SLIT3: variants seen among roughly 807,000 people sequenced by gnomAD.
SLIT3 encodes slit homolog 3 protein.
In SLIT3, 68 loss-of-function variants were observed where a neutral mutation model predicts 184.0. The ratio of observed to expected loss-of-function variants is 0.37; its 90% CI spans 0.30 to 0.45. The LOEUF is 0.45. SLIT3 is among the 20% of genes least tolerant of loss of function. SLIT3 has a pLI of 1.00. For synonymous variants in SLIT3, 831 were observed against 828.6 expected, an observed-to-expected ratio of 1.00 and a Z score of -0.05; for missense variants, 1,707 against 2,026.0, an observed-to-expected ratio of 0.84 and a Z score of 3.02.
chr5:169,045,426 A>G (rs76964544), intron 4 of SLIT3, among the ~76,000 whole-genome samples: 4 of 140,670 alleles, frequency 2.8e-5, no homozygotes, highest in East Asian at 4.9e-4. Context: ...TAGTCCATGC[A>G]GGAAAAAAAA....
chr5:168,982,465 T>G lies in SLIT3; in HGVS notation c.414-99129A>C, dbSNP rs767939197. On this transcript the variant is annotated intron_variant, in intron 4 of 35. Transcript: ENST00000519560. ...CCTTGGACTTCCCAGCCTCCAGAAC[T>G]GAAGGAAATACATTTAATGTCTTAC... Among the ~76,000 whole-genome samples the G allele has an allele frequency of 5.3e-4, 80 of 152,320 alleles. 1 individual carries two copies. The Middle Eastern group carries it at 0.02, about 39-fold the overall frequency.
At chr5:168,767,102 A>C (rs1347327592) in intron 14 of SLIT3, among the ~76,000 whole-genome samples, 1 of 152,230 alleles carries the variant, frequency 6.6e-6, no homozygotes, top group East Asian at 1.9e-4. Context: ...TGTGAACATT[A>C]AACAAGGTAA....
intron 4 of SLIT3, among the ~76,000 whole-genome samples, chr5:168,971,160 C>T (rs1300873425): frequency 6.6e-6 from 1 of 152,214 alleles, no homozygotes; most frequent in East Asian, 1.9e-4. Context: ...GGAAAGTACG[C>T]TATTAGCATA....
chr5:169,230,231 G>T (rs571650929), intron 3 of SLIT3, among the ~76,000 whole-genome samples: 10 of 152,200 alleles, frequency 6.6e-5, no homozygotes, highest in Middle Eastern at 3.4e-3. Flanking sequence ...GATGTTACTC[G>T]CAGCTGCTAA....
In SLIT3 at chr5:169,153,459, G is replaced by C. The variant is rs377546555; in HGVS notation, c.413+40020C>G. On this transcript the variant is annotated intron_variant, in intron 4 of 35. Transcript: ENST00000519560. ...ATTACAACCTGTAAACTGTGGCAGT[G>C]GACTGTATTTTATTTGAGCAGCAAA... 2.2e-4 allele frequency among the ~76,000 whole-genome samples: 34 copies of C among 152,336 alleles called. No individual in the cohort carries two copies. The South Asian group carries it at 7.0e-3, about 32-fold the overall frequency.
chr5:168,771,643 C>A (rs1755552511), intron 14 of SLIT3, among the ~76,000 whole-genome samples: 1 of 152,218 alleles, frequency 6.6e-6, no homozygotes, highest in African/African-American at 2.4e-5. Flanking sequence ...TCGGTACCAA[C>A]TTTTCACAGT....
intron 4 of SLIT3, among the ~76,000 whole-genome samples, chr5:168,988,034 C>T (rs574521000): frequency 6.6e-6 from 1 of 152,334 alleles, no homozygotes; most frequent in Non-Finnish European, 1.5e-5. Context: ...TTTCTTTCAG[C>T]CACACTCCAT....
intron 23 of SLIT3, among the ~76,000 whole-genome samples, chr5:168,717,028 C>T (rs1402874355): frequency 7.4e-6 from 1 of 134,634 alleles, no homozygotes. Flanking sequence ...ACTTCAGGGC[C>T]TCTGTCCAGG....
At chr5:168,818,448 G>T (rs988631103) in intron 7 of SLIT3, among the ~76,000 whole-genome samples, 1 of 152,140 alleles carries the variant, frequency 6.6e-6, no homozygotes, top group Non-Finnish European at 1.5e-5. Context: ...GATATTCCAG[G>T]TTCTTCCCCC....
chr5:169,011,335 G>C (rs1389357768), intron 4 of SLIT3, among the ~76,000 whole-genome samples: 2 of 152,172 alleles, frequency 1.3e-5, no homozygotes. Context: ...AATTTGGAGA[G>C]GTGACCATAG....
chr5:169,035,893 C>G (rs1033601948), intron 4 of SLIT3, among the ~76,000 whole-genome samples: 5 of 152,062 alleles, frequency 3.3e-5, no homozygotes, highest in Non-Finnish European at 7.4e-5. Context: ...AGTCTTGAAT[C>G]CTGTTACATC....
At position 168,844,564 on chromosome 5, in the gene SLIT3, C is replaced by A. The variant is rs761910005; in HGVS notation, c.557+20G>T. 2.5e-6 allele frequency: 4 copies of A among 1,612,058 alleles called. No homozygotes were observed. Among genetic ancestry groups the A allele is most frequent in the Non-Finnish European group, 3.4e-6 (4 of 1,178,304 alleles). On this transcript the variant is annotated intron_variant, in intron 6 of 35. Coordinates refer to ENST00000519560, the MANE Select transcript of SLIT3 (RefSeq NM_003062.4). ...ACACATGCACGCACACACAAGGCAG[C>A]GATCGCAAAATCAACTCACAGGATC...
chr5:169,075,921 T>A (rs565585668), intron 4 of SLIT3, among the ~76,000 whole-genome samples: 61 of 152,216 alleles, frequency 4.0e-4, no homozygotes, highest in Non-Finnish European at 7.1e-4. Context: ...ATAAAGCCAA[T>A]ACCTGCCAGA....
chr5:168,772,570 TTGTGTGTG>T (rs538634517), intron 14 of SLIT3: 10 of 497,208 alleles, frequency 2.0e-5, no homozygotes, highest in South Asian at 1.0e-4. Flanking sequence ...CATGCTTTTA[TTGTGTGTG>T]TGTGTGTGTG....
intron 4 of SLIT3, among the ~76,000 whole-genome samples, chr5:169,106,022 G>A (rs1053745925): frequency 6.8e-6 from 1 of 147,710 alleles, no homozygotes; most frequent in Non-Finnish European, 1.5e-5. Flanking sequence ...AGACACATGG[G>A]GGGAAACAAC....
chr5:168,879,583 T>C (rs1285302160), intron 5 of SLIT3, among the ~76,000 whole-genome samples: 3 of 152,348 alleles, frequency 2.0e-5, no homozygotes, highest in African/African-American at 7.2e-5. Flanking sequence ...TGAGTTTTTC[T>C]CTTGGGCTGT....
At chr5:168,828,993 C>T (rs1247097197) in intron 6 of SLIT3, among the ~76,000 whole-genome samples, 2 of 152,188 alleles carry the variant, frequency 1.3e-5, no homozygotes, top group Non-Finnish European at 2.9e-5. Context: ...CTGAAATCAA[C>T]GGAGGTGGCT....
chr5:169,184,789 G>A (rs1055167823), intron 4 of SLIT3, among the ~76,000 whole-genome samples: 8 of 152,120 alleles, frequency 5.3e-5, no homozygotes, highest in African/African-American at 7.2e-5. Flanking sequence ...CAATCACTTC[G>A]GAATATGTTA....
chr5:169,159,472 T>C (rs1762404812), intron 4 of SLIT3, among the ~76,000 whole-genome samples: 1 of 150,446 alleles, frequency 6.6e-6, no homozygotes, highest in Non-Finnish European at 1.5e-5. Context: ...GACTGGTAGA[T>C]TTTTTTAAAA....
Sources: allele counts gnomAD v4.1 joint callset (sites outside exome capture counted in the v4.1 genomes callset), GRCh38; gene constraint gnomAD v4.1.1; transcripts MANE v1.5; gene names NCBI Gene and HGNC (gene_info 2026-07-23, HGNC 2026-07-21).